The following PSD3 variants were observed in gnomAD, a reference collection of about 807,000 sequenced individuals.
The protein encoded by PSD3 is pleckstrin and Sec7 domain containing 3.
A neutral mutation model predicts 105.5 loss-of-function variants in PSD3; 49 were observed. That is an observed-to-expected ratio of 0.46 (90% CI 0.37 to 0.59). PSD3 has a LOEUF of 0.59. Ranked by LOEUF, PSD3 falls within the 20% of genes least tolerant of loss-of-function variation. The probability of loss-of-function intolerance (pLI) is 0.00; values close to 1 mark genes in which losing one functional copy is unlikely to be tolerated. For synonymous variants in PSD3, 557 were observed against 457.8 expected, an observed-to-expected ratio of 1.22 and a Z score of -2.77; for missense variants, 1,561 against 1,263.8, an observed-to-expected ratio of 1.24 and a Z score of -3.57.
In PSD3 at chr8:18,533,462, C is replaced by A. The variant is rs1325621040; in HGVS notation, c.*2281G>T. 2 of 152,188 alleles carry A rather than the reference C, an allele frequency of 1.3e-5. No homozygotes were observed. The highest frequency in any genetic ancestry group is 2.1e-4 in the South Asian group (1 of 4,824). 9.4% of individuals were successfully genotyped at this position (152,188 alleles called of 1,614,324 possible). A position where few individuals can be genotyped will look rare whatever the true frequency, so the allele number is the denominator to read the frequency against. On this transcript the variant is annotated 3_prime_UTR_variant, in exon 16 of 16. Coordinates refer to ENST00000327040, the MANE Select transcript of PSD3 (RefSeq NM_015310.4). ...GAGTTAATATTAGTGACTCATATGA[C>A]ACGGACAGTGCTATAGTGGTGCTGA...
intron 9 of PSD3, among the ~76,000 whole-genome samples, chr8:18,702,433 T>C (rs1243950684): frequency 6.6e-6 from 1 of 152,226 alleles, no homozygotes; most frequent in Non-Finnish European, 1.5e-5. Flanking sequence ...TTTCCCCTTT[T>C]TGTATTGTGA....
intron 9 of PSD3, among the ~76,000 whole-genome samples, chr8:18,725,092 G>T (rs527594395): frequency 1.3e-5 from 2 of 152,266 alleles, no homozygotes; most frequent in East Asian, 3.9e-4. Flanking sequence ...AGTTTTCAGT[G>T]CAGCAAACAG....
chr8:18,693,162 G>A (rs6995466), intron 9 of PSD3, among the ~76,000 whole-genome samples: 138,248 of 152,248 alleles, frequency 0.91, 63,248 homozygotes, highest in Middle Eastern at 0.97. Flanking sequence ...ACTGCTGGTT[G>A]TACTGCTGCT....
intron 12 of PSD3, among the ~76,000 whole-genome samples, chr8:18,595,788 G>C (rs942694903): frequency 2.6e-5 from 4 of 151,878 alleles, no homozygotes; most frequent in African/African-American, 7.2e-5. Flanking sequence ...CAGGACTGAA[G>C]GTAGAAATTA....
At chr8:19,076,605 G>C (rs1413494430) in intron 1 of PSD3, among the ~76,000 whole-genome samples, 1 of 152,196 alleles carries the variant, frequency 6.6e-6, no homozygotes. Context: ...ATTATGTTAT[G>C]TGTATGATGT....
intron 12 of PSD3, among the ~76,000 whole-genome samples, chr8:18,584,575 C>A (rs2634446): frequency 0.88 from 133,746 of 152,244 alleles, 58,905 homozygotes; most frequent in South Asian, 0.96. Context: ...TAACCTACAA[C>A]CTATTATACT....
chr8:18,646,782 TA>T (rs773737639), intron 10 of PSD3, among the ~76,000 whole-genome samples: 2 of 152,044 alleles, frequency 1.3e-5, no homozygotes, highest in African/African-American at 2.4e-5. Context: ...TATTAATACC[TA>T]AAATGAAATG....
intron 2 of PSD3, among the ~76,000 whole-genome samples, chr8:18,907,537 A>G (rs927802731): frequency 3.3e-5 from 5 of 152,320 alleles, no homozygotes; most frequent in Admixed American, 6.5e-5. Context: ...TTTGACATAC[A>G]AATACTTACC....
intron 11 of PSD3, among the ~76,000 whole-genome samples, chr8:18,614,336 C>T (rs1805490441): frequency 6.7e-6 from 1 of 149,628 alleles, no homozygotes; most frequent in South Asian, 2.1e-4. Flanking sequence ...CCCCTTCTCC[C>T]CCATCCCCCC....
intron 4 of PSD3, among the ~76,000 whole-genome samples, chr8:18,807,533 C>T (rs1811308711): frequency 6.6e-6 from 1 of 152,104 alleles, no homozygotes; most frequent in African/African-American, 2.4e-5. Context: ...TCTACCAAAC[C>T]CATGCTGGCT....
intron 12 of PSD3, among the ~76,000 whole-genome samples, chr8:18,597,083 C>A (rs73211761): frequency 0.089 from 13,503 of 151,834 alleles, 878 homozygotes; most frequent in East Asian, 0.33. Flanking sequence ...TGCTGGCAAA[C>A]TGAATTCAAC....
intron 1 of PSD3, among the ~76,000 whole-genome samples, chr8:18,945,854 A>G (rs1316271137): frequency 1.2e-4 from 10 of 84,814 alleles, no homozygotes; most frequent in African/African-American, 3.9e-4. Context: ...GCACACTTGT[A>G]ATCCCAGCTC....
At chr8:18,899,096 TATCTC>T (rs1819332321) in intron 2 of PSD3, among the ~76,000 whole-genome samples, 1 of 152,134 alleles carries the variant, frequency 6.6e-6, no homozygotes, top group African/African-American at 2.4e-5. Context: ...TCTGCCAGAT[TATCTC>T]ATGTCAATTT....
At chr8:18,615,673 A>G (rs1315098252) in intron 11 of PSD3, among the ~76,000 whole-genome samples, 1 of 152,228 alleles carries the variant, frequency 6.6e-6, no homozygotes, top group Non-Finnish European at 1.5e-5. Context: ...ACCTTTTTAC[A>G]TACCTTTTAA....
intron 11 of PSD3, among the ~76,000 whole-genome samples, chr8:18,601,481 T>C (rs1289293322): frequency 6.6e-6 from 1 of 151,596 alleles, no homozygotes; most frequent in Non-Finnish European, 1.5e-5. Flanking sequence ...TAAATCTCTT[T>C]TGACTGAATA....
At chr8:19,008,464 C>T (rs888014178) in intron 1 of PSD3, among the ~76,000 whole-genome samples, 3 of 152,300 alleles carry the variant, frequency 2.0e-5, no homozygotes, top group Non-Finnish European at 4.4e-5. Context: ...CTAATGGCAT[C>T]GTCTGTGCCA....
At chr8:18,937,535 A>G (rs6999315) in intron 1 of PSD3, among the ~76,000 whole-genome samples, 32,078 of 152,178 alleles carry the variant, frequency 0.21, 3,527 homozygotes, top group East Asian at 0.35. Flanking sequence ...CAGGGGGCAG[A>G]CCCCACTTTG....
At chr8:18,611,573 T>A (rs1173478616) in intron 11 of PSD3, among the ~76,000 whole-genome samples, 1 of 150,034 alleles carries the variant, frequency 6.7e-6, no homozygotes, top group South Asian at 2.1e-4. Flanking sequence ...GATGAGTTAA[T>A]ATATGCAATC....
chr8:18,537,940 G>C (rs13250722), intron 15 of PSD3, among the ~76,000 whole-genome samples: 87,216 of 152,032 alleles, frequency 0.57, 27,189 homozygotes, highest in East Asian at 0.78. Flanking sequence ...GCCTCCCAAA[G>C]TGCTGGGATT....
Sources: allele counts gnomAD v4.1 joint callset (sites outside exome capture counted in the v4.1 genomes callset), GRCh38; gene constraint gnomAD v4.1.1; transcripts MANE v1.5; gene names NCBI Gene and HGNC (gene_info 2026-07-23, HGNC 2026-07-21).